The following KRR1 variants were observed in gnomAD, a reference collection of about 807,000 sequenced individuals.
The protein encoded by KRR1 is KRR1 small subunit processome component.
In KRR1, 23 loss-of-function variants were observed where a neutral mutation model predicts 50.0. The observed-to-expected ratio is 0.46, with a 90% CI of 0.33 to 0.65. The LOEUF (loss-of-function observed/expected upper bound fraction) is 0.65. Among genes scored for constraint, KRR1 ranks in the 30% least tolerant of loss-of-function variants. KRR1 has a pLI of 0.02. For missense variants in KRR1, 419 were observed against 442.4 expected (o/e 0.95, Z 0.47); for synonymous variants, 133 against 146.3 (o/e 0.91, Z 0.66).
rs1458318384 is a variant in KRR1 at position 75,495,482 on chromosome 12, C to T, written c.*4327G>A. Reference sequence around the variant, plus strand: ...ACTCTCTGGACCTTTGTACTTCACTCCACTATTCTTCTGGATTTAGTTAAG... The same window carrying T: ...ACTCTCTGGACCTTTGTACTTCACTTCACTATTCTTCTGGATTTAGTTAAG... On this transcript the variant is annotated 3_prime_UTR_variant, in exon 10 of 10. Coordinates refer to ENST00000229214, the MANE Select transcript of KRR1 (RefSeq NM_007043.7). The T allele has an allele frequency of 7.3e-6, 5 of 687,414 alleles. No individual in the cohort carries two copies. Among genetic ancestry groups the T allele is most frequent in the Non-Finnish European group, 1.3e-5 (5 of 374,000 alleles). The allele number at this position is 687,414 out of a possible 1,614,324, so 42.6% of individuals were successfully genotyped here.
Position 75,499,277 on chromosome 12 carries a change from CTTAGTAACTCCAGTAGCCTTCATTA to C in KRR1, c.*507_*531del, listed in dbSNP as rs1203650320. 1 of 215,566 alleles carries C rather than the reference CTTAGTAACTCCAGTAGCCTTCATTA, an allele frequency of 4.6e-6. No individual in the cohort carries two copies. Among genetic ancestry groups the C allele is most frequent in the Non-Finnish European group, 9.0e-6 (1 of 110,498 alleles). The allele number at this position is 215,566 out of a possible 1,614,324, so 13.4% of individuals were successfully genotyped here. A position where few individuals can be genotyped will look rare whatever the true frequency, so the allele number is the denominator to read the frequency against. ...TACAGTAGCACATTTTTAGGTGATT[CTTAGTAACTCCAGTAGCCTTCATTA>C]GTTAAAAACATTATTATTTTTTGCA... On this transcript the variant is annotated 3_prime_UTR_variant, in exon 10 of 10. Coordinates refer to ENST00000229214, the MANE Select transcript of KRR1 (RefSeq NM_007043.7).
At position 75,492,104 on chromosome 12, in the gene KRR1, T is replaced by TTG. The variant is rs1185124040; in HGVS notation, c.*7704_*7705insCA. On this transcript the variant is annotated 3_prime_UTR_variant, in exon 10 of 10. Coordinates refer to ENST00000229214, the MANE Select transcript of KRR1 (RefSeq NM_007043.7). The stretch of plus-strand genomic sequence containing the variant: ...TTTTCATGACTTTTTTTTTTTTTTT[T>TTG]GAGACAGGGTCTCTCACTCTGTCAC... The TTG allele has an allele frequency of 2.0e-5, 3 of 151,436 alleles. No individual in the cohort carries two copies. The highest frequency in any genetic ancestry group is 4.4e-5 in the Non-Finnish European group (3 of 67,876). 9.4% of individuals were successfully genotyped at this position (151,436 alleles called of 1,614,324 possible). A position where few individuals can be genotyped will look rare whatever the true frequency, so the allele number is the denominator to read the frequency against.
rs2046410790 is a variant in KRR1 at position 75,503,937 on chromosome 12, A to G, written c.798T>C (p.Tyr266=). 2 of 1,611,986 alleles carry G rather than the reference A, an allele frequency of 1.2e-6. No homozygotes were observed. The highest frequency in any genetic ancestry group is 2.7e-5 in the African/African-American group (2 of 74,780). ...CTGGTTGTGGTGGTGGGAATGGCGT[A>G]TATTCTTTCTTAACAGTTTTTTTCT... ...EPKKKTVKKE[Y]TPFPPPQPES... Residue 266 remains tyrosine (Y), a synonymous_variant, in exon 7 of 10, where the codon TAT becomes TAC. Coordinates refer to ENST00000229214, the MANE Select transcript of KRR1 (RefSeq NM_007043.7).
intron 9 of KRR1, 51 bp downstream of exon 9, chr12:75,501,672 G>C (rs1233894257): frequency 1.7e-6 from 2 of 1,167,600 alleles, no homozygotes; most frequent in Admixed American, 4.0e-5. Flanking sequence ...AATTTATTAT[G>C]GGTTTACTTT....
intron 1 of KRR1, among the ~76,000 whole-genome samples, chr12:75,510,020 T>C (rs1163426754): frequency 6.6e-6 from 1 of 152,116 alleles, no homozygotes; most frequent in Non-Finnish European, 1.5e-5. Context: ...AGTTTCACAA[T>C]TAAGGAAGCC....
In KRR1 at chr12:75,499,706, AAAAAAGCCCTCAG is replaced by A. The variant is rs1348904333; in HGVS notation, c.*90_*102del. ...TGAACAACCACCACCACCAAAAAAA[AAAAAAGCCCTCAG>A]AAAATTTCTCACAAATAAGGCAACT... On this transcript the variant is annotated 3_prime_UTR_variant, in exon 10 of 10. Transcript: ENST00000229214. 1.1e-5 allele frequency: 8 copies of A among 749,474 alleles called. No homozygotes were observed. The East Asian group carries it at 2.3e-4, about 21-fold the overall frequency. 46.4% of individuals were successfully genotyped at this position (749,474 alleles called of 1,614,324 possible).
rs376751463 is a variant in KRR1 at position 75,497,209 on chromosome 12, C to T, written c.*2600G>A. On this transcript the variant is annotated 3_prime_UTR_variant, in exon 10 of 10. Coordinates refer to ENST00000229214, the MANE Select transcript of KRR1 (RefSeq NM_007043.7). ...ACAACCCAGTGAAAAAAATGTTTCCCTTTAAAAATCTAGGCAATTAGTAAC... is the reference window on the plus strand; with the variant it reads ...ACAACCCAGTGAAAAAAATGTTTCCTTTTAAAAATCTAGGCAATTAGTAAC... 6.6e-6 allele frequency: 1 copy of T among 152,088 alleles called. No homozygotes were observed. The highest frequency in any genetic ancestry group is 2.4e-5 in the African/African-American group (1 of 41,404). 9.4% of individuals were successfully genotyped at this position (152,088 alleles called of 1,614,324 possible).
chr12:75,509,858 G>C (rs2046439124), intron 1 of KRR1, among the ~76,000 whole-genome samples: 1 of 151,530 alleles, frequency 6.6e-6, no homozygotes, highest in South Asian at 2.1e-4. Flanking sequence ...CAAAGTGCTG[G>C]GATTACAGGT....
chr12:75,500,121 A>G (rs2046381410), intron 9 of KRR1, 170 bp from the exon 10 acceptor site: 1 of 474,026 alleles, frequency 2.1e-6, no homozygotes, highest in Admixed American at 4.2e-5. Context: ...ACTTGCCTAA[A>G]GCAGTTAGAA....
chr12:75,500,089 T>C, intron 9 of KRR1, 138 bp from the exon 10 acceptor site: 1 of 592,060 alleles, frequency 1.7e-6, no homozygotes, highest in Non-Finnish European at 2.7e-6. Context: ...TGAAAGGTGA[T>C]CACAGTATAA....
At chr12:75,501,504 C>G (rs548004641) in intron 9 of KRR1, 1 of 502,692 alleles carries the variant, frequency 2.0e-6, no homozygotes, top group South Asian at 2.8e-5. Context: ...GACCAGAGGT[C>G]AGGAGAGGAC....
In KRR1 at chr12:75,499,698, CAA is replaced by C. The variant is rs35207358; in HGVS notation, c.*109_*110del. 0.011 allele frequency: 6,109 copies of C among 551,928 alleles called. No individual in the cohort carries two copies. The highest frequency in any genetic ancestry group is 0.015 in the South Asian group (462 of 30,614). The allele number at this position is 551,928 out of a possible 1,614,324, so 34.2% of individuals were successfully genotyped here. On this transcript the variant is annotated 3_prime_UTR_variant, in exon 10 of 10. Transcript: ENST00000229214. ...CTCTTCTATGAACAACCACCACCAC[CAA>C]AAAAAAAAAAAGCCCTCAGAAAATT... is the stretch of plus-strand genomic sequence containing the variant.
At chr12:75,511,462 T>C in intron 1 of KRR1, 51 bp downstream of exon 1, 2 of 1,501,158 alleles carry the variant, frequency 1.3e-6, no homozygotes, top group Non-Finnish European at 1.9e-6. Context: ...GAAAAAAACA[T>C]CGCAACTCAA....
At chr12:75,501,036 C>T (rs1211942045) in intron 9 of KRR1, 2 of 151,970 alleles carry the variant, frequency 1.3e-5, no homozygotes, top group Non-Finnish European at 2.9e-5. Context: ...AGTCTATGTA[C>T]AATATTGCTG....
chr12:75,508,213 AT>A, intron 2 of KRR1, 60 bp downstream of exon 2: 3 of 1,289,510 alleles, frequency 2.3e-6, no homozygotes, highest in Non-Finnish European at 3.2e-6. Context: ...GCATACATAC[AT>A]TTAAAGGCAT....
rs2046344873 is a variant in KRR1, at chr12:75,495,531, A to G, written c.*4278T>C. 1 of 1,119,142 alleles carries G rather than the reference A, an allele frequency of 8.9e-7. No individual in the cohort carries two copies. The highest frequency in any genetic ancestry group is 1.4e-6 in the Non-Finnish European group (1 of 736,892). 69.3% of individuals were successfully genotyped at this position (1,119,142 alleles called of 1,614,324 possible). On this transcript the variant is annotated 3_prime_UTR_variant, in exon 10 of 10. Coordinates refer to ENST00000229214, the MANE Select transcript of KRR1 (RefSeq NM_007043.7). ...AGGATTCATAGTAAATTGCAATTTT[A>G]AAAAACCGAAAAACTTCTAATGGAC...
chr12:75,506,428 T>C, intron 4 of KRR1, 29 bp from the exon 5 acceptor site: 1 of 1,604,782 alleles, frequency 6.2e-7, no homozygotes, highest in Non-Finnish European at 8.5e-7. Flanking sequence ...TTAAAATTCA[T>C]TACTCTGAAA....
In KRR1 at chr12:75,495,464, G is replaced by A. The variant is rs1017061052; in HGVS notation, c.*4345C>T. 31 of 631,974 alleles carry A rather than the reference G, an allele frequency of 4.9e-5. No homozygotes were observed. The highest frequency in any genetic ancestry group is 2.9e-6 in the Non-Finnish European group (1 of 342,814). 39.1% of individuals were successfully genotyped at this position (631,974 alleles called of 1,614,324 possible). On this transcript the variant is annotated 3_prime_UTR_variant, in exon 10 of 10. Coordinates refer to ENST00000229214, the MANE Select transcript of KRR1 (RefSeq NM_007043.7). ...TCTTCACTTCTATTACCAACTCTCT[G>A]GACCTTTGTACTTCACTCCACTATT...
intron 6 of KRR1, among the ~76,000 whole-genome samples, chr12:75,504,561 T>C (rs1380521432): frequency 6.6e-6 from 1 of 152,104 alleles, no homozygotes; most frequent in Non-Finnish European, 1.5e-5. Context: ...CACATAGTTT[T>C]GTTTTTGTCT....
Sources: gnomAD v4.1 joint callset for allele counts (sites outside exome capture counted in the v4.1 genomes callset) on GRCh38, gnomAD v4.1.1 for gene constraint, MANE v1.5 for transcripts, NCBI Gene and HGNC (gene_info 2026-07-23, HGNC 2026-07-21) for gene names.